The following GBE1 variants were observed in gnomAD, a reference collection of about 807,000 sequenced individuals.
The protein encoded by GBE1 is 1,4-alpha-glucan-branching enzyme.
A neutral mutation model predicts 88.8 loss-of-function variants in GBE1; 70 were observed. The ratio of observed to expected loss-of-function variants is 0.79; its 90% confidence interval spans 0.65 to 0.96. The LOEUF is 0.96. Among genes scored for constraint, GBE1 ranks in the 40% least tolerant of loss-of-function variants. The pLI, the probability that GBE1 is intolerant of heterozygous loss-of-function variation, is 0.00. For synonymous variants in GBE1, 284 were observed against 300.1 expected (o/e 0.95, Z 0.56); for missense variants, 872 against 871.0 (o/e 1.00, Z -0.01).
intron 14 of GBE1, among the ~76,000 whole-genome samples, chr3:81,509,910 T>A (rs1433730582): frequency 6.6e-6 from 1 of 152,020 alleles, no homozygotes; most frequent in Non-Finnish European, 1.5e-5. Context: ...TAAAAATCCT[T>A]CATTTTGGAT....
chr3:81,563,202 G>A (rs1241813885), intron 12 of GBE1, among the ~76,000 whole-genome samples: 1 of 152,128 alleles, frequency 6.6e-6, no homozygotes, highest in African/African-American at 2.4e-5. Context: ...TTTTTGGAAA[G>A]AAGATCTGTA....
chr3:81,628,749 A>ATATG (rs1440735255), intron 7 of GBE1, among the ~76,000 whole-genome samples: 2 of 67,266 alleles, frequency 3.0e-5, no homozygotes, highest in East Asian at 7.0e-4. Context: ...TTGCATATAT[A>ATATG]TATATATATA....
At chr3:81,731,451 A>G (rs1175793481) in intron 1 of GBE1, among the ~76,000 whole-genome samples, 2 of 152,138 alleles carry the variant, frequency 1.3e-5, no homozygotes, top group Non-Finnish European at 2.9e-5. Flanking sequence ...CCCTATTACC[A>G]TATCTTTACA....
chr3:81,507,003 C>T (rs1247632636), intron 14 of GBE1, among the ~76,000 whole-genome samples: 1 of 151,992 alleles, frequency 6.6e-6, no homozygotes, highest in African/African-American at 2.4e-5. Context: ...ATAATCTGTA[C>T]AATGAACCCC....
At chr3:81,506,949 G>T (rs142713308) in intron 14 of GBE1, among the ~76,000 whole-genome samples, 198 of 152,122 alleles carry the variant, frequency 1.3e-3, no homozygotes, top group Non-Finnish European at 2.3e-3. Flanking sequence ...AGAGGATCAG[G>T]AAAAACAACT....
chr3:81,713,989 T>C (rs1387303700), intron 1 of GBE1, among the ~76,000 whole-genome samples: 1 of 152,188 alleles, frequency 6.6e-6, no homozygotes, highest in Non-Finnish European at 1.5e-5. Flanking sequence ...TTCTCTGTTA[T>C]GTATGGGAGA....
chr3:81,753,710 G>A (rs1706563763), intron 1 of GBE1, among the ~76,000 whole-genome samples: 1 of 152,180 alleles, frequency 6.6e-6, no homozygotes, highest in African/African-American at 2.4e-5. Flanking sequence ...GACCATCACT[G>A]TAGAGAATTC....
In GBE1 at chr3:81,581,219, G is replaced by A. The variant is rs563241317; in HGVS notation, c.1392C>T (p.Leu464=). The change falls in exon 11 of 16, where the codon CTC becomes CTT. Residue 464 remains leucine, a synonymous_variant. Transcript: ENST00000429644. The part of the protein sequence containing the change: ...DWNMGDIVYT[L]TNRRYLEKCI... ...ACTTTTCAAGGTAGCGCCTGTTTGT[G>A]AGCGTGTATACTATATCGCCCATGT... 6.7e-5 allele frequency: 107 copies of A among 1,607,272 alleles called. No individual in the cohort carries two copies. In the Admixed American group the frequency reaches 7.6e-4, roughly 11 times the overall value.
At chr3:81,495,828 T>G (rs1471780889) in intron 15 of GBE1, among the ~76,000 whole-genome samples, 1 of 152,224 alleles carries the variant, frequency 6.6e-6, no homozygotes, top group African/African-American at 2.4e-5. Flanking sequence ...AAATCCTGTA[T>G]TTAAATCAAG....
At chr3:81,705,738 T>A in intron 1 of GBE1, 125 bp from the exon 2 acceptor site, 1 of 560,546 alleles carries the variant, frequency 1.8e-6, no homozygotes, top group East Asian at 3.4e-5. Flanking sequence ...AAGAATAATA[T>A]AAATAATTTC....
chr3:81,751,190 G>C (rs186617512), intron 1 of GBE1, among the ~76,000 whole-genome samples: 1 of 152,050 alleles, frequency 6.6e-6, no homozygotes, highest in South Asian at 2.1e-4. Flanking sequence ...AATACTGAGG[G>C]GTGTTACTAT....
chr3:81,591,066 G>T lies in GBE1; in HGVS notation c.1207C>A (p.Leu403Met). The change falls in exon 9 of 16, where the codon CTG becomes ATG. Residue 403 changes from leucine to methionine, a missense_variant. By Grantham distance (15) the Leu-to-Met change is conservative. Coordinates refer to ENST00000429644, the MANE Select transcript of GBE1 (RefSeq NM_000158.4). Reference sequence around the variant, plus strand: ...GCTATTGTTATAGAATCGGGACACAGCGTGTGAACCAAATGATTTGCCAAC... The same window carrying T: ...GCTATTGTTATAGAATCGGGACACATCGTGTGAACCAAATGATTTGCCAAC... The part of the protein sequence containing the change: ...LMLANHLVHT[L>M]CPDSITIAED... 1 of 1,610,048 alleles carries T rather than the reference G, an allele frequency of 6.2e-7. No homozygotes were observed. Among genetic ancestry groups the T allele is most frequent in the Non-Finnish European group, 8.5e-7 (1 of 1,177,798 alleles).
At chr3:81,501,690 T>TA (rs2106814060) in intron 14 of GBE1, among the ~76,000 whole-genome samples, 1 of 85,402 alleles carries the variant, frequency 1.2e-5, no homozygotes, top group East Asian at 4.2e-4. Context: ...GGGGCACTTT[T>TA]TTTTTTTTTT....
chr3:81,566,284 A>G (rs1576151596), intron 12 of GBE1, among the ~76,000 whole-genome samples: 1 of 152,204 alleles, frequency 6.6e-6, no homozygotes, highest in East Asian at 1.9e-4. Flanking sequence ...CCCGAGCCCT[A>G]GCCAAGACCA....
At chr3:81,628,907 C>G (rs1576176259) in intron 7 of GBE1, among the ~76,000 whole-genome samples, 1 of 149,160 alleles carries the variant, frequency 6.7e-6, no homozygotes, top group Non-Finnish European at 1.5e-5. Context: ...TAAAAACAAG[C>G]CAAAATAATT....
chr3:81,681,480 G>A lies in GBE1; in HGVS notation c.314-10527C>T, dbSNP rs189006875. Among the ~76,000 whole-genome samples, 228 of 152,272 alleles carry A rather than the reference G, an allele frequency of 1.5e-3. 1 individual carries two copies. The highest frequency in any genetic ancestry group is 5.4e-3 in the African/African-American group (224 of 41,572). On this transcript the variant is annotated intron_variant, in intron 2 of 15. Coordinates refer to ENST00000429644, the MANE Select transcript of GBE1 (RefSeq NM_000158.4). ...GATATCCCACCTGACCCAGTCCATG[G>A]TGTGGGAGCATGGCAATGGTTTACA...
At chr3:81,535,115 GT>G (rs1294394668) in intron 14 of GBE1, 79 bp downstream of exon 14, 4 of 1,109,496 alleles carry the variant, frequency 3.6e-6, no homozygotes, top group African/African-American at 2.6e-5. Context: ...ATCAACCTTA[GT>G]CTTTTTTTTT....
At chr3:81,698,811 G>GT (rs1705642501) in intron 2 of GBE1, among the ~76,000 whole-genome samples, 1 of 152,236 alleles carries the variant, frequency 6.6e-6, no homozygotes, top group East Asian at 1.9e-4. Flanking sequence ...TTAAGCAAAA[G>GT]TAAGTTCACT....
chr3:81,761,566 T>G lies in GBE1; in HGVS notation c.-49A>C. ...GAGGCCCGAGAGGTCGAGTGGGGCC[T>G]GAGCGGGCGCTGGAGCTCTAGCTGG... On this transcript the variant is annotated 5_prime_UTR_variant, in exon 1 of 16. Transcript: ENST00000429644. 6.4e-7 allele frequency: 1 copy of G among 1,563,868 alleles called. No individual in the cohort carries two copies. The highest frequency in any genetic ancestry group is 8.6e-7 in the Non-Finnish European group (1 of 1,157,558).
Sources: gnomAD v4.1 joint callset for allele counts (sites outside exome capture counted in the v4.1 genomes callset) on GRCh38, gnomAD v4.1.1 for gene constraint, MANE v1.5 for transcripts, NCBI Gene and HGNC (gene_info 2026-07-23, HGNC 2026-07-21) for gene names.